The following PPHLN1 variants were observed in gnomAD, a reference collection of about 807,000 sequenced individuals.
PPHLN1 encodes periphilin 1, also known as periphilin-1.
A neutral mutation model predicts 51.3 loss-of-function variants in PPHLN1; 29 were observed. The ratio of observed to expected loss-of-function variants is 0.57; its 90% CI spans 0.42 to 0.77. The LOEUF (loss-of-function observed/expected upper bound fraction) is 0.77. Ranked by LOEUF, PPHLN1 falls within the 30% of genes least tolerant of loss-of-function variation. The pLI, the probability that PPHLN1 is intolerant of heterozygous loss-of-function variation, is 0.00. For synonymous variants in PPHLN1, 147 were observed against 147.8 expected (o/e 0.99, Z 0.04); for missense variants, 436 against 438.4 (o/e 0.99, Z 0.05).
chr12:42,375,314 G>GA (rs2076165326), intron 5 of PPHLN1: 9 of 181,578 alleles, frequency 5.0e-5, no homozygotes, highest in African/African-American at 2.4e-4. Context: ...GCATGTAAAA[G>GA]GTTTTTTTTT....
intron 4 of PPHLN1, among the ~76,000 whole-genome samples, chr12:42,362,352 TTGA>T (rs1309320512): frequency 6.6e-6 from 1 of 152,238 alleles, no homozygotes; most frequent in Non-Finnish European, 1.5e-5. Flanking sequence ...ATAATATTCT[TTGA>T]TGCACATTTT....
chr12:42,340,908 T>G (rs965834897), intron 2 of PPHLN1, among the ~76,000 whole-genome samples: 4 of 152,174 alleles, frequency 2.6e-5, no homozygotes, highest in Non-Finnish European at 4.4e-5. Flanking sequence ...CTATTTTGTT[T>G]TATGTATTTG....
At chr12:42,355,132 A>C (rs2138294262) in intron 3 of PPHLN1, 29 bp from the exon 4 acceptor site, 2 of 1,607,790 alleles carry the variant, frequency 1.2e-6, no homozygotes, top group African/African-American at 1.3e-5. Flanking sequence ...AATGTAAACA[A>C]ATAGCTAAGT....
At chr12:42,360,797 A>G (rs1456062114) in intron 4 of PPHLN1, among the ~76,000 whole-genome samples, 3 of 151,836 alleles carry the variant, frequency 2.0e-5, no homozygotes, top group Non-Finnish European at 4.4e-5. Flanking sequence ...CCAGCCGCCG[A>G]ATTCTTTTTC....
At chr12:42,434,759 T>C (rs1161408739) in intron 9 of PPHLN1, among the ~76,000 whole-genome samples, 1 of 152,246 alleles carries the variant, frequency 6.6e-6, no homozygotes, top group Non-Finnish European at 1.5e-5. Flanking sequence ...AACGGCGCGA[T>C]CTCAGCTCAC....
intron 5 of PPHLN1, among the ~76,000 whole-genome samples, chr12:42,380,552 C>T (rs1711646312): frequency 6.6e-6 from 1 of 152,056 alleles, no homozygotes; most frequent in Non-Finnish European, 1.5e-5. Context: ...TAGAAAAAGA[C>T]ATACGTCTTA....
intron 2 of PPHLN1, among the ~76,000 whole-genome samples, chr12:42,342,836 A>T (rs2071696217): frequency 6.6e-6 from 1 of 152,252 alleles, no homozygotes; most frequent in Non-Finnish European, 1.5e-5. Context: ...TTTGTGGTAA[A>T]TATGAGTTAC....
chr12:42,335,001 G>C (rs2070372592), intron 1 of PPHLN1, among the ~76,000 whole-genome samples: 1 of 152,140 alleles, frequency 6.6e-6, no homozygotes, highest in Non-Finnish European at 1.5e-5. Flanking sequence ...AGAAAAATTT[G>C]CCAACTTCTG....
At chr12:42,418,501 A>G (rs1417980985) in intron 9 of PPHLN1, among the ~76,000 whole-genome samples, 1 of 151,898 alleles carries the variant, frequency 6.6e-6, no homozygotes, top group Non-Finnish European at 1.5e-5. Context: ...ACCTGCTAAC[A>G]CTGTATACTA....
intron 3 of PPHLN1, among the ~76,000 whole-genome samples, chr12:42,353,674 A>T (rs969888238): frequency 6.6e-6 from 1 of 152,162 alleles, no homozygotes; most frequent in African/African-American, 2.4e-5. Flanking sequence ...TTGGGGTTCA[A>T]GTAGCTTTTG....
chr12:42,361,415 C>T (rs1376488461), intron 4 of PPHLN1: 1 of 152,100 alleles, frequency 6.6e-6, no homozygotes, highest in Non-Finnish European at 1.5e-5. Flanking sequence ...GTGGTTAGCC[C>T]ATTCTTTCTA....
intron 2 of PPHLN1, among the ~76,000 whole-genome samples, chr12:42,340,217 G>A (rs1485864210): frequency 2.6e-5 from 4 of 151,536 alleles, no homozygotes; most frequent in African/African-American, 9.7e-5. Context: ...GCTGAGGCAG[G>A]AGGATTGCTT....
rs1483021382 is a variant in PPHLN1 at position 42,441,647 on chromosome 12, A to G, written c.*138A>G. 1.5e-6 allele frequency: 2 copies of G among 1,312,290 alleles called. No homozygotes were observed. Among genetic ancestry groups the G allele is most frequent in the Non-Finnish European group, 2.0e-6 (2 of 1,017,268 alleles). The allele number at this position is 1,312,290 out of a possible 1,614,324, so 81.3% of individuals were successfully genotyped here. On this transcript the variant is annotated 3_prime_UTR_variant, in exon 10 of 10. Coordinates refer to ENST00000358314, the MANE Select transcript of PPHLN1 (RefSeq NM_201439.2). ...ATAGTTGACAACATTTCAGTATTAA[A>G]TAAACATCTAAAATAGTCTGTTTAA...
intron 4 of PPHLN1, among the ~76,000 whole-genome samples, chr12:42,365,833 G>A (rs998026149): frequency 2.6e-5 from 4 of 152,122 alleles, no homozygotes; most frequent in Admixed American, 6.6e-5. Flanking sequence ...TTTTTTGGAG[G>A]CCTCATAATC....
At chr12:42,332,551 T>C in intron 1 of PPHLN1, 1 of 704,260 alleles carries the variant, frequency 1.4e-6, no homozygotes, top group Non-Finnish European at 2.4e-6. Flanking sequence ...TTGAAGCGAG[T>C]TTGGCCTGAG....
intron 9 of PPHLN1, among the ~76,000 whole-genome samples, chr12:42,410,757 T>C (rs542938058): frequency 6.6e-6 from 1 of 152,356 alleles, no homozygotes; most frequent in East Asian, 1.9e-4. Context: ...CAGGCTGTAA[T>C]GGTTTTCAAA....
chr12:42,333,268 A>G (rs1314634713), intron 1 of PPHLN1, among the ~76,000 whole-genome samples: 1 of 152,180 alleles, frequency 6.6e-6, no homozygotes. Context: ...TTCCTTTTGT[A>G]TAAATGTAAC....
chr12:42,333,977 A>G (rs910825441), intron 1 of PPHLN1, among the ~76,000 whole-genome samples: 1 of 152,124 alleles, frequency 6.6e-6, no homozygotes, highest in Non-Finnish European at 1.5e-5. Flanking sequence ...CTGTTTGCTT[A>G]TATGTCTGTT....
intron 8 of PPHLN1, among the ~76,000 whole-genome samples, chr12:42,396,613 T>TATAA (rs2078219523): frequency 4.3e-5 from 1 of 23,088 alleles, no homozygotes; most frequent in Non-Finnish European, 8.3e-5. Context: ...GTCTTGTCAC[T>TATAA]ACAAAAAAAA....
Sources: gnomAD v4.1 joint callset for allele counts (sites outside exome capture counted in the v4.1 genomes callset) on GRCh38, gnomAD v4.1.1 for gene constraint, MANE v1.5 for transcripts, NCBI Gene and HGNC (gene_info 2026-07-23, HGNC 2026-07-21) for gene names.